PITPNA: variants seen among roughly 807,000 people sequenced by gnomAD.
PITPNA encodes the protein phosphatidylinositol transfer protein alpha.
In PITPNA, 13 loss-of-function variants were observed where a neutral mutation model predicts 50.3. That is an observed-to-expected ratio of 0.26 (90% confidence interval 0.17 to 0.41). The LOEUF (loss-of-function observed/expected upper bound fraction) is 0.41. Among genes scored for constraint, PITPNA ranks in the 10% least tolerant of loss-of-function variants. The pLI, the probability that PITPNA is intolerant of heterozygous loss-of-function variation, is 1.00. For missense variants in PITPNA, 207 were observed against 333.4 expected, an observed-to-expected ratio of 0.62 and a Z score of 2.95; for synonymous variants, 120 against 119.6, an observed-to-expected ratio of 1.00 and a Z score of -0.02.
chr17:1,521,908 T>C (rs1022210173), intron 10 of PITPNA, among the ~76,000 whole-genome samples: 1 of 141,084 alleles, frequency 7.1e-6, no homozygotes, highest in Admixed American at 7.3e-5. Flanking sequence ...AAGAGGTGTG[T>C]GTGGGGGGGT....
intron 3 of PITPNA, among the ~76,000 whole-genome samples, chr17:1,551,685 A>G (rs2075710155): frequency 6.6e-6 from 1 of 152,240 alleles, no homozygotes; most frequent in Non-Finnish European, 1.5e-5. Context: ...CCTTCTACCT[A>G]AAATACCAAC....
intron 1 of PITPNA, among the ~76,000 whole-genome samples, chr17:1,560,957 G>A (rs958393437): frequency 1.3e-5 from 2 of 152,170 alleles, no homozygotes; most frequent in Non-Finnish European, 2.9e-5. Context: ...CCTCCAAGGA[G>A]CCAGCCTGGT....
intron 2 of PITPNA, among the ~76,000 whole-genome samples, chr17:1,555,851 G>A (rs1019062919): frequency 1.3e-5 from 2 of 152,212 alleles, no homozygotes; most frequent in African/African-American, 4.8e-5. Context: ...GGGCTTTCTC[G>A]CTCTGCTGCA....
chr17:1,523,462 A>G (rs2075526979), intron 10 of PITPNA, among the ~76,000 whole-genome samples: 1 of 148,652 alleles, frequency 6.7e-6, no homozygotes, highest in South Asian at 2.1e-4. Context: ...CTGCCTCAGC[A>G]TCCCAAGAAG....
At chr17:1,532,938 G>C (rs545064668) in intron 10 of PITPNA, among the ~76,000 whole-genome samples, 1 of 152,356 alleles carries the variant, frequency 6.6e-6, no homozygotes, top group African/African-American at 2.4e-5. Flanking sequence ...GGTAAAAACA[G>C]TTCCCTGCGG....
chr17:1,548,057 C>T (rs1043924518), intron 4 of PITPNA, among the ~76,000 whole-genome samples: 5 of 152,256 alleles, frequency 3.3e-5, no homozygotes, highest in African/African-American at 1.2e-4. Context: ...TAATGAATAA[C>T]AATAATCAAA....
chr17:1,562,749 C>T lies in PITPNA; in HGVS notation c.-189G>A. ...CGCCCGGGCCTCGTCGCCTCTCGCG[C>T]CGCTGCCGACGCCGCCCGGAGCTCC... On this transcript the variant is annotated 5_prime_UTR_variant, in exon 1 of 12. Transcript: ENST00000313486. The surrounding 1 kb of genome is among the most constrained non-coding windows in gnomAD (Gnocchi z 6.4). 5.4e-6 allele frequency: 1 copy of T among 184,506 alleles called. No homozygotes were observed. The highest frequency in any genetic ancestry group is 1.0e-5 in the Non-Finnish European group (1 of 96,630). 11.4% of individuals were successfully genotyped at this position (184,506 alleles called of 1,614,324 possible).
chr17:1,521,695 C>T (rs1430873937), intron 10 of PITPNA, 50 bp from the exon 11 acceptor site: 6 of 1,491,568 alleles, frequency 4.0e-6, no homozygotes, highest in Non-Finnish European at 5.6e-6. Context: ...GCTGATGGAA[C>T]TCCTGCCTTC....
At chr17:1,538,096 G>A (rs2075628584) in intron 7 of PITPNA, among the ~76,000 whole-genome samples, 1 of 152,180 alleles carries the variant, frequency 6.6e-6, no homozygotes, top group African/African-American at 2.4e-5. Context: ...CACCGTGCCA[G>A]GCCCCAAAAT....
chr17:1,562,492 G>T lies in PITPNA; in HGVS notation c.20+49C>A. The stretch of plus-strand genomic sequence containing the variant: ...TCGCCGCGCCGTCGCCCCGGCGGCC[G>T]TCCCCACCCTCCCTCCTCCCCGCTT... On this transcript the variant is annotated intron_variant, in intron 1 of 11. Transcript: ENST00000313486. The surrounding 1 kb of genome is among the most constrained non-coding windows in gnomAD (Gnocchi z 6.4). 1 of 1,386,014 alleles carries T rather than the reference G, an allele frequency of 7.2e-7. No homozygotes were observed. The highest frequency in any genetic ancestry group is 9.5e-7 in the Non-Finnish European group (1 of 1,054,170). The allele number at this position is 1,386,014 out of a possible 1,614,324, so 85.9% of individuals were successfully genotyped here.
intron 10 of PITPNA, among the ~76,000 whole-genome samples, chr17:1,525,557 C>A (rs939264207): frequency 7.4e-6 from 1 of 135,818 alleles, no homozygotes; most frequent in Non-Finnish European, 1.5e-5. Context: ...GTCGCTCTGT[C>A]GCCCAGGCTA....
chr17:1,523,840 G>T (rs1170956857), intron 10 of PITPNA, among the ~76,000 whole-genome samples: 1 of 151,696 alleles, frequency 6.6e-6, no homozygotes, highest in South Asian at 2.1e-4. Flanking sequence ...TTCGGTGTGT[G>T]TGGGGACAGG....
In PITPNA at chr17:1,562,651, G is replaced by A. The variant is rs1431527666; in HGVS notation, c.-91C>T. ...TCTCCCCGTGGCCCGGCCCGGCCCG[G>A]CTGCCTGTGCGTCTTCGTCGTGCTC... On this transcript the variant is annotated 5_prime_UTR_variant, in exon 1 of 12. Coordinates refer to ENST00000313486, the MANE Select transcript of PITPNA (RefSeq NM_006224.4). This position sits in a 1 kb window ranked among gnomAD's most constrained non-coding sequence, Gnocchi z 6.4. 35 of 919,016 alleles carry A rather than the reference G, an allele frequency of 3.8e-5. No homozygotes were observed. Among genetic ancestry groups the A allele is most frequent in the Non-Finnish European group, 4.5e-5 (33 of 728,542 alleles). The allele number at this position is 919,016 out of a possible 1,614,324, so 56.9% of individuals were successfully genotyped here. A position where few individuals can be genotyped will look rare whatever the true frequency, so the allele number is the denominator to read the frequency against.
chr17:1,518,228 C>T lies in PITPNA; in HGVS notation c.*2333G>A, dbSNP rs1483275030. 1 of 152,406 alleles carries T rather than the reference C, an allele frequency of 6.6e-6. No individual in the cohort carries two copies. The highest frequency in any genetic ancestry group is 1.5e-5 in the Non-Finnish European group (1 of 68,040). The allele number at this position is 152,406 out of a possible 1,614,324, so 9.4% of individuals were successfully genotyped here. ...CCACGATACTGACCCTGTCCCGGAC[C>T]TCTCTGCATGAGAAGGCCAGAGCCC... On this transcript the variant is annotated 3_prime_UTR_variant, in exon 12 of 12. Coordinates refer to ENST00000313486, the MANE Select transcript of PITPNA (RefSeq NM_006224.4).
chr17:1,521,596 C>A lies in PITPNA; in HGVS notation c.*5G>T. On this transcript the variant is annotated 3_prime_UTR_variant, in exon 11 of 12. Transcript: ENST00000313486. ...GTACGTACAGTGCAGAGGGGAAAGG[C>A]GGCTTTAGTCATCTGCTGTCATTCC... 3 of 1,612,398 alleles carry A rather than the reference C, an allele frequency of 1.9e-6. No individual in the cohort carries two copies. Among genetic ancestry groups the A allele is most frequent in the Non-Finnish European group, 2.5e-6 (3 of 1,178,446 alleles).
At chr17:1,524,974 TTA>T (rs1188052643) in intron 10 of PITPNA, among the ~76,000 whole-genome samples, 3 of 152,050 alleles carry the variant, frequency 2.0e-5, no homozygotes, top group Non-Finnish European at 4.4e-5. Context: ...CAAATGCTGT[TTA>T]TGTTATAGAA....
chr17:1,536,974 A>G (rs565847880), intron 7 of PITPNA, among the ~76,000 whole-genome samples: 10 of 146,312 alleles, frequency 6.8e-5, no homozygotes, highest in African/African-American at 2.5e-4. Flanking sequence ...TCTCAGCTCA[A>G]TGGAACCTCC....
chr17:1,534,077 A>C, intron 10 of PITPNA, 22 bp downstream of exon 10: 1 of 1,612,564 alleles, frequency 6.2e-7, no homozygotes, highest in Non-Finnish European at 8.5e-7. Context: ...TCTAATTGAG[A>C]GCCCCCAGAG....
At chr17:1,553,798 G>A (rs1285244512) in intron 2 of PITPNA, among the ~76,000 whole-genome samples, 1 of 152,098 alleles carries the variant, frequency 6.6e-6, no homozygotes. Context: ...TCATCTACTC[G>A]CTTCTTCTCT....
Sources: allele counts gnomAD v4.1 joint callset (sites outside exome capture counted in the v4.1 genomes callset), GRCh38; gene constraint gnomAD v4.1.1; non-coding constraint Gnocchi (gnomAD v3.1); transcripts MANE v1.5; gene names NCBI Gene and HGNC (gene_info 2026-07-23, HGNC 2026-07-21).